The following SMAD1 variants were observed in gnomAD, a reference collection of about 807,000 sequenced individuals.
SMAD1 encodes the protein SMAD family member 1.
Under a neutral mutation model 41.6 loss-of-function variants are expected in SMAD1, and 6 were observed. The ratio of observed to expected loss-of-function variants is 0.14; its 90% CI spans 0.08 to 0.28. The LOEUF (loss-of-function observed/expected upper bound fraction) is 0.28, where lower values mean the gene tolerates loss of function less well. SMAD1 is among the 10% of genes least tolerant of loss of function. The pLI, the probability that SMAD1 is intolerant of heterozygous loss-of-function variation, is 1.00. For missense variants in SMAD1, 379 were observed against 582.6 expected, an observed-to-expected ratio of 0.65 and a Z score of 3.60; for synonymous variants, 206 against 203.2, an observed-to-expected ratio of 1.01 and a Z score of -0.12.
intron 4 of SMAD1, among the ~76,000 whole-genome samples, chr4:145,543,309 A>G (rs577105027): frequency 1.3e-5 from 2 of 152,284 alleles, no homozygotes; most frequent in African/African-American, 4.8e-5. Context: ...TTTAGAAACA[A>G]TAAGTATAAC....
At chr4:145,543,948 A>C (rs1178489817) in intron 4 of SMAD1, among the ~76,000 whole-genome samples, 1 of 151,932 alleles carries the variant, frequency 6.6e-6, no homozygotes, top group Non-Finnish European at 1.5e-5. Context: ...AAAATAGGAG[A>C]TACTTATTAA....
At chr4:145,539,379 T>C (rs2126510159) in intron 2 of SMAD1, among the ~76,000 whole-genome samples, 1 of 152,382 alleles carries the variant, frequency 6.6e-6, no homozygotes, top group Admixed American at 6.5e-5. Flanking sequence ...TGGTGAATAA[T>C]TCATATCATT....
chr4:145,504,944 A>G (rs1729680684), intron 1 of SMAD1, among the ~76,000 whole-genome samples: 2 of 152,224 alleles, frequency 1.3e-5, no homozygotes, highest in South Asian at 4.1e-4. Flanking sequence ...TGCTGAAATA[A>G]TATGGTTTTT....
At position 145,558,306 on chromosome 4, in the gene SMAD1, A is replaced by C. The variant is rs1256410490; in HGVS notation, c.*372A>C. Among the ~76,000 whole-genome samples the C allele has an allele frequency of 6.6e-6, 1 of 152,210 alleles. No individual in the cohort carries two copies. The highest frequency in any genetic ancestry group is 2.4e-5 in the African/African-American group (1 of 41,456). ...GCACTTTAAGGTCATCGTTGGGCAG[A>C]AGTTTAGCATTAATAGTTGTTCTGA... is the stretch of plus-strand genomic sequence containing the variant. On this transcript the variant is annotated 3_prime_UTR_variant, in exon 7 of 7. Transcript: ENST00000302085.
intron 1 of SMAD1, among the ~76,000 whole-genome samples, chr4:145,499,080 T>C (rs1021694769): frequency 3.2e-4 from 49 of 152,332 alleles, no homozygotes; most frequent in African/African-American, 1.2e-3. Flanking sequence ...TACCACTCAT[T>C]ACTCTTCCTT....
chr4:145,537,658 TAC>T (rs374913725), intron 2 of SMAD1, among the ~76,000 whole-genome samples: 1 of 152,078 alleles, frequency 6.6e-6, no homozygotes, highest in African/African-American at 2.4e-5. Flanking sequence ...AACAAGATGC[TAC>T]ACACACACAG....
Position 145,540,026 on chromosome 4 carries a change from C to T in SMAD1, c.623C>T (p.Thr208Ile), listed in dbSNP as rs775020524. Reference protein sequence around the residue: ...SSSSTYPHSPTSSDPGSPFQM... With the variant: ...SSSSTYPHSPISSDPGSPFQM... ...AGCAGCACCTACCCTCACTCTCCCACCAGCTCAGACCCAGGAAGCCCTTTC... is the reference window on the plus strand; with the variant it reads ...AGCAGCACCTACCCTCACTCTCCCATCAGCTCAGACCCAGGAAGCCCTTTC... Residue 208 changes from threonine (T) to isoleucine (I), a missense_variant, in exon 3 of 7, where the codon ACC (threonine) becomes ATC (isoleucine). By Grantham distance (89) the Thr-to-Ile change is moderately conservative (BLOSUM62 -1). Coordinates refer to ENST00000302085, the MANE Select transcript of SMAD1 (RefSeq NM_005900.3). 1.7e-5 allele frequency: 27 copies of T among 1,614,030 alleles called. No homozygotes were observed. The highest frequency in any genetic ancestry group is 1.0e-4 in the Admixed American group (6 of 59,984).
At chr4:145,484,573 G>C (rs541199959) in intron 1 of SMAD1, 1 of 152,430 alleles carries the variant, frequency 6.6e-6, no homozygotes, top group African/African-American at 2.4e-5. Context: ...GAGATGGCCA[G>C]GGATACCAGT....
intron 2 of SMAD1, among the ~76,000 whole-genome samples, chr4:145,517,308 T>C (rs1730467038): frequency 6.6e-6 from 1 of 152,172 alleles, no homozygotes; most frequent in African/African-American, 2.4e-5. Flanking sequence ...CCCACTCTTA[T>C]TTATCGTTTG....
chr4:145,486,122 G>A (rs1728470864), intron 1 of SMAD1, among the ~76,000 whole-genome samples: 1 of 152,098 alleles, frequency 6.6e-6, no homozygotes, highest in South Asian at 2.1e-4. Flanking sequence ...TATTTTGTAG[G>A]TCTTTAAATA....
At chr4:145,491,162 A>G (rs1365707964) in intron 1 of SMAD1, among the ~76,000 whole-genome samples, 1 of 152,246 alleles carries the variant, frequency 6.6e-6, no homozygotes, top group African/African-American at 2.4e-5. Context: ...AGACAGATAA[A>G]GAGATTTGCA....
intron 1 of SMAD1, among the ~76,000 whole-genome samples, chr4:145,491,017 G>C (rs967810360): frequency 2.6e-5 from 4 of 152,094 alleles, no homozygotes; most frequent in Non-Finnish European, 1.5e-5. Context: ...TTATGCCACT[G>C]GGGGGAGGGT....
At chr4:145,541,124 C>T (rs770518491) in intron 3 of SMAD1, among the ~76,000 whole-genome samples, 2 of 152,134 alleles carry the variant, frequency 1.3e-5, no homozygotes, top group Non-Finnish European at 2.9e-5. Context: ...CTCCTCACCA[C>T]TAACCTGTAT....
At chr4:145,499,052 G>A (rs906911570) in intron 1 of SMAD1, among the ~76,000 whole-genome samples, 9 of 151,988 alleles carry the variant, frequency 5.9e-5, no homozygotes, top group Non-Finnish European at 1.2e-4. Context: ...ACCCAACTTC[G>A]ACTATCATGT....
rs1208396054 is a variant in SMAD1 at position 145,543,363 on chromosome 4, G to A, written c.775+665G>A. On this transcript the variant is annotated intron_variant, in intron 4 of 6. Coordinates refer to ENST00000302085, the MANE Select transcript of SMAD1 (RefSeq NM_005900.3). ...TCACTGGTGATTTCCAAAGTTGGAAGTTGGTATAACTGGGCTGTCCAAAGG... is the reference window on the plus strand; with the variant it reads ...TCACTGGTGATTTCCAAAGTTGGAAATTGGTATAACTGGGCTGTCCAAAGG... 5.2e-4 allele frequency among the ~76,000 whole-genome samples: 79 copies of A among 152,202 alleles called. 3 individuals carry two copies. Among genetic ancestry groups the A allele is most frequent in the Admixed American group, 4.9e-3 (75 of 15,276 alleles).
rs1440450353 is a variant in SMAD1, at chr4:145,482,315, T to G, written c.-177+277T>G. The stretch of plus-strand genomic sequence containing the variant: ...CGCCCAGCCCGCCGGGCTCCCCTGG[T>G]GTCTTTGTTGGGTCTTCTGCTGTGG... On this transcript the variant is annotated intron_variant, in intron 1 of 6. Coordinates refer to ENST00000302085, the MANE Select transcript of SMAD1 (RefSeq NM_005900.3). The surrounding 1 kb of genome is among the most constrained non-coding windows in gnomAD (Gnocchi z 4.2). Among the ~76,000 whole-genome samples, 1 of 143,928 alleles carries G rather than the reference T, an allele frequency of 6.9e-6. No homozygotes were observed. The highest frequency in any genetic ancestry group is 6.9e-5 in the Admixed American group (1 of 14,582). The allele number at this position is 143,928 out of a possible 152,430, so 94.4% of individuals were successfully genotyped here.
chr4:145,513,697 CTA>C (rs1379140116), intron 1 of SMAD1, among the ~76,000 whole-genome samples: 1 of 152,134 alleles, frequency 6.6e-6, no homozygotes, highest in Non-Finnish European at 1.5e-5. Flanking sequence ...AGATATTAGA[CTA>C]TTTTTTTCTC....
In SMAD1 at chr4:145,517,674, T is replaced by A. The variant is rs1240943629; in HGVS notation, c.400+2661T>A. 2.7e-4 allele frequency among the ~76,000 whole-genome samples: 19 copies of A among 70,084 alleles called. 4 individuals are homozygous for A. The highest frequency in any genetic ancestry group is 2.3e-3 in the Admixed American group (19 of 8,240). The allele number at this position is 70,084 out of a possible 152,430, so 46.0% of individuals were successfully genotyped here. On this transcript the variant is annotated intron_variant, in intron 2 of 6. Coordinates refer to ENST00000302085, the MANE Select transcript of SMAD1 (RefSeq NM_005900.3). The stretch of plus-strand genomic sequence containing the variant: ...CGTCATTTGGCCATTTTTTTAGTGC[T>A]GAATTTTCAGTTTATCTATACCTTT...
At position 145,554,020 on chromosome 4, in the gene SMAD1, A is replaced by C. The variant is rs549602822; in HGVS notation, c.1234A>C (p.Ile412Leu). 2 of 1,613,282 alleles carry C rather than the reference A, an allele frequency of 1.2e-6. No homozygotes were observed. The highest frequency in any genetic ancestry group is 2.2e-5 in the South Asian group (2 of 91,050). The change falls in exon 6 of 7, where the codon ATA (isoleucine) becomes CTA (leucine). Residue 412 changes from isoleucine (I) to leucine (L), a missense_variant. This residue lies in a region of SMAD1 where 107 missense variants were observed against 218.3 expected (regional missense o/e 0.49). Transcript: ENST00000302085. The stretch of plus-strand genomic sequence containing the variant: ...CTATGAGCTTACAAAAATGTGTACT[A>C]TACGTATGAGCTTTGTGAAGGTAAG... ...TVYELTKMCTIRMSFVKGWGA... is the reference protein window; with the variant it reads ...TVYELTKMCTLRMSFVKGWGA...
Sources: gnomAD v4.1 joint callset for allele counts (sites outside exome capture counted in the v4.1 genomes callset) on GRCh38, gnomAD v4.1.1 for gene constraint, gnomAD v4.1.1 regional missense constraint, Gnocchi (gnomAD v3.1) non-coding constraint, MANE v1.5 for transcripts, NCBI Gene and HGNC (gene_info 2026-07-23, HGNC 2026-07-21) for gene names.